SLC22A17: variants seen among roughly 807,000 people sequenced by gnomAD.
SLC22A17 encodes the protein solute carrier family 22 member 17, also known as 24p3 receptor.
A neutral mutation model predicts 53.6 loss-of-function variants in SLC22A17; 38 were observed. The observed-to-expected ratio is 0.71, with a 90% CI of 0.55 to 0.93. SLC22A17 has a LOEUF of 0.93. SLC22A17 is among the 40% of genes least tolerant of loss of function. The probability of loss-of-function intolerance (pLI) is 0.00; values close to 1 mark genes in which losing one functional copy is unlikely to be tolerated. For synonymous variants in SLC22A17, 379 were observed against 353.0 expected, an observed-to-expected ratio of 1.07 and a Z score of -0.82; for missense variants, 704 against 791.0, an observed-to-expected ratio of 0.89 and a Z score of 1.32.
rs775069009 is a variant in SLC22A17, at chr14:23,347,870, A to G, written c.1277+21T>C. ...CATTCCAGCTACTGGCCTGGCCCTC[A>G]GCCCAGACACCCAGGCTCACTTGGT... On this transcript the variant is annotated intron_variant, in intron 7 of 9. Transcript: ENST00000397267. This position sits in a 1 kb window ranked among gnomAD's most constrained non-coding sequence, Gnocchi z 5.1. The G allele has an allele frequency of 8.7e-6, 14 of 1,613,462 alleles. No homozygotes were observed. The highest frequency in any genetic ancestry group is 1.6e-4 in the Middle Eastern group (1 of 6,068).
At chr14:23,346,630 A>G (rs945277097) in exon 10 of SLC22A17, 10 of 1,460,246 alleles carry the variant, frequency 6.8e-6, no homozygotes, top group Non-Finnish European at 9.0e-6. Context: ...GCCTCCCGCC[A>G]GGGTACTCAG....
At position 23,348,844 on chromosome 14, in the gene SLC22A17, T is replaced by A. The variant is rs1016820649; in HGVS notation, c.860-173A>T. On this transcript the variant is annotated intron_variant, in intron 4 of 9. Coordinates refer to ENST00000397267, the Ensembl canonical transcript of SLC22A17. The surrounding 1 kb of genome is among the most constrained non-coding windows in gnomAD (Gnocchi z 4.5). ...TGGGTGGCAAGGACTGGGGAGACTG[T>A]TCAGCCCTCTCTCCTCTCCTGCTCA... 2.9e-6 allele frequency: 2 copies of A among 683,298 alleles called. No homozygotes were observed. Among genetic ancestry groups the A allele is most frequent in the African/African-American group, 3.6e-5 (2 of 55,360 alleles). 42.3% of individuals were successfully genotyped at this position (683,298 alleles called of 1,614,324 possible). A position where few individuals can be genotyped will look rare whatever the true frequency, so the allele number is the denominator to read the frequency against.
chr14:23,346,357 T>C (rs1486886758), exon 10 of SLC22A17: 1 of 386,324 alleles, frequency 2.6e-6, no homozygotes, highest in Non-Finnish European at 4.6e-6. Context: ...AACAGAATGA[T>C]AGAGCAAGAA....
exon 10 of SLC22A17, chr14:23,346,867 G>T (rs1427398657): frequency 6.5e-7 from 1 of 1,538,838 alleles, no homozygotes; most frequent in Admixed American, 1.9e-5. Flanking sequence ...GGCCCATGTG[G>T]AGGCGCTGGG....
chr14:23,346,527 A>ATGGC, exon 10 of SLC22A17: 1 of 1,270,318 alleles, frequency 7.9e-7, no homozygotes, highest in Non-Finnish European at 1.0e-6. Context: ...GCTCTCCGCG[A>ATGGC]TGGCTGGCGT....
At chr14:23,349,095 G>T in intron 4 of SLC22A17, 177 bp downstream of exon 4, 1 of 754,220 alleles carries the variant, frequency 1.3e-6, no homozygotes, top group South Asian at 1.6e-5. Context: ...TGTCGGGAGG[G>T]GGAGATAGGT....
chr14:23,351,683 C>T (rs574164261), intron 3 of SLC22A17, 69 bp downstream of exon 3: 2 of 1,400,514 alleles, frequency 1.4e-6, no homozygotes, highest in African/African-American at 2.9e-5. Flanking sequence ...CTGTAAACGC[C>T]CGCTGCTTGG....
chr14:23,347,962 G>A lies in SLC22A17; in HGVS notation c.1206C>T (p.Ser402=), dbSNP rs772938209. The change falls in exon 7 of 10, where the codon TCC becomes TCT. Residue 402 remains serine, a synonymous_variant. Transcript: ENST00000397267. This position sits in a 1 kb window ranked among gnomAD's most constrained non-coding sequence, Gnocchi z 5.1. ...TGAGGAGGGAAGCAAAGGAAAAGGA[G>A]GATGTTGCAGGGAGAGGGCAGGTAT... is the stretch of plus-strand genomic sequence containing the variant. 6.9e-5 allele frequency: 111 copies of A among 1,614,044 alleles called. No individual in the cohort carries two copies. The highest frequency in any genetic ancestry group is 9.1e-5 in the Non-Finnish European group (107 of 1,180,022).
chr14:23,349,333 C>T (rs757790994), exon 4 of SLC22A17: 40 of 1,613,928 alleles, frequency 2.5e-5, no homozygotes, highest in Non-Finnish European at 3.2e-5. Flanking sequence ...ATCGGAGGGC[C>T]ATGACGCCTG....
In SLC22A17 at chr14:23,347,132, G is replaced by A. The variant is rs756873967; in HGVS notation, c.1630C>T (p.Leu544Phe). 1.2e-6 allele frequency: 2 copies of A among 1,613,872 alleles called. No homozygotes were observed. Among genetic ancestry groups the A allele is most frequent in the East Asian group, 4.5e-5 (2 of 44,878 alleles). Residue 544 changes from leucine (L) to phenylalanine (F), a missense_variant, in exon 9 of 10, where the codon CTT (leucine) becomes TTT (phenylalanine). Leu to Phe is a conservative substitution (Grantham distance 22, BLOSUM62 0). This residue lies in a region of SLC22A17 where 196 missense variants were observed against 171.5 expected (regional missense o/e 1.14). Coordinates refer to ENST00000397267, the Ensembl canonical transcript of SLC22A17. The surrounding 1 kb of genome is among the most constrained non-coding windows in gnomAD (Gnocchi z 5.1). ...GTGGTGGGGATGACCTCAGCAGCAA[G>A]GAGGGTGCTGAGGATGGCGGCAGCT...
rs879180836 is a variant in SLC22A17, at chr14:23,347,749, G to C, written c.1278-18C>G. The stretch of plus-strand genomic sequence containing the variant: ...CAATGAAGCTGTGAGAAGGGGTGGG[G>C]AAGCAACGAACAGAGCCTGAATCCC... On this transcript the variant is annotated intron_variant, in intron 7 of 9. Coordinates refer to ENST00000397267, the Ensembl canonical transcript of SLC22A17. This position sits in a 1 kb window ranked among gnomAD's most constrained non-coding sequence, Gnocchi z 5.1. 1 of 1,612,282 alleles carries C rather than the reference G, an allele frequency of 6.2e-7. No individual in the cohort carries two copies. The highest frequency in any genetic ancestry group is 2.2e-5 in the East Asian group (1 of 44,832).
At position 23,348,615 on chromosome 14, in the gene SLC22A17, C is replaced by G. The variant is rs747309659; in HGVS notation, c.916G>C (p.Val306Leu). The change falls in exon 5 of 10, where the codon GTG becomes CTG. Residue 306 changes from valine to leucine, a missense_variant. By Grantham distance (32) the Val-to-Leu change is conservative. This residue lies in a region of SLC22A17 where 435 missense variants were observed against 529.0 expected (regional missense o/e 0.82). Coordinates refer to ENST00000397267, the Ensembl canonical transcript of SLC22A17. The surrounding 1 kb of genome is among the most constrained non-coding windows in gnomAD (Gnocchi z 4.5). The stretch of plus-strand genomic sequence containing the variant: ...AACAGGAAGTGCCCTCCCACCCCCA[C>G]CAACTCCCCTGCCAGGGCCACCCGA... 8.1e-6 allele frequency: 13 copies of G among 1,613,928 alleles called. No individual in the cohort carries two copies. The Middle Eastern group carries it at 4.9e-4, about 61-fold the overall frequency.
Position 23,352,217 on chromosome 14 carries a change from C to T in SLC22A17, c.331G>A (p.Gly111Ser). The change falls in exon 2 of 10, where the codon GGC (glycine) becomes AGC (serine). Residue 111 changes from glycine to serine, a missense_variant. By Grantham distance (56) the Gly-to-Ser change is moderately conservative. This residue lies in a region of SLC22A17 where 31 missense variants were observed against 62.3 expected (regional missense o/e 0.50). Transcript: ENST00000397267. The surrounding 1 kb of genome is among the most constrained non-coding windows in gnomAD (Gnocchi z 7.2). ...GTGAAGATGGGGTCCGAGGCCATGCCCAGAGCCACGAAGAGCACCGGCAGG... is the reference window on the plus strand; with the variant it reads ...GTGAAGATGGGGTCCGAGGCCATGCTCAGAGCCACGAAGAGCACCGGCAGG... 1 of 1,482,574 alleles carries T rather than the reference C, an allele frequency of 6.7e-7. No individual in the cohort carries two copies. The highest frequency in any genetic ancestry group is 8.9e-7 in the Non-Finnish European group (1 of 1,120,804). The allele number at this position is 1,482,574 out of a possible 1,614,324, so 91.8% of individuals were successfully genotyped here.
chr14:23,347,419 A>G lies in SLC22A17; in HGVS notation c.1549+41T>C. ...GGCAGGGTCTGGGGCTTGTCTTGGG[A>G]GGCCTGTGCCAGAAGAAATGGCTGT... On this transcript the variant is annotated intron_variant, in intron 8 of 9. Transcript: ENST00000397267. This position sits in a 1 kb window ranked among gnomAD's most constrained non-coding sequence, Gnocchi z 5.1. The G allele has an allele frequency of 6.3e-7, 1 of 1,597,250 alleles. No individual in the cohort carries two copies. Among genetic ancestry groups the G allele is most frequent in the East Asian group, 2.2e-5 (1 of 44,592 alleles).
In SLC22A17 at chr14:23,352,153, G is replaced by C; in HGVS notation, c.395C>G (p.Pro132Arg). 6.4e-7 allele frequency: 1 copy of C among 1,562,898 alleles called. No homozygotes were observed. Among genetic ancestry groups the C allele is most frequent in the Middle Eastern group, 1.8e-4 (1 of 5,672 alleles). ...CTGCTCCCAGCCAGAGGCATTAGGG[G>C]GGAAGGCCCCGTAGTGGCAATGCAG... The change falls in exon 2 of 10, where the codon CCC becomes CGC. Residue 132 changes from proline (P) to arginine (R), a missense_variant. Around this residue, in one of 4 missense-constraint regions of SLC22A17, gnomAD observed 435 missense variants for 529.0 expected, o/e 0.82. Transcript: ENST00000397267. This position sits in a 1 kb window ranked among gnomAD's most constrained non-coding sequence, Gnocchi z 7.2.
rs777923541 is a variant in SLC22A17, at chr14:23,347,120, C to A, written c.1642G>T (p.Val548Phe). The change falls in exon 9 of 10, where the codon GTC (valine) becomes TTC (phenylalanine). Residue 548 changes from valine (V) to phenylalanine (F), a missense_variant. Val to Phe is a conservative substitution (Grantham distance 50). Around this residue, in one of 4 missense-constraint regions of SLC22A17, gnomAD observed 196 missense variants for 171.5 expected, o/e 1.14. Coordinates refer to ENST00000397267, the Ensembl canonical transcript of SLC22A17. This position sits in a 1 kb window ranked among gnomAD's most constrained non-coding sequence, Gnocchi z 5.1. ...TCTCACCGGACAGTGGTGGGGATGA[C>A]CTCAGCAGCAAGGAGGGTGCTGAGG... 1.9e-5 allele frequency: 31 copies of A among 1,613,436 alleles called. No homozygotes were observed. The highest frequency in any genetic ancestry group is 2.6e-5 in the Non-Finnish European group (31 of 1,179,826).
exon 3 of SLC22A17, chr14:23,351,766 A>G (rs922911402): frequency 1.2e-6 from 2 of 1,612,970 alleles, no homozygotes; most frequent in African/African-American, 2.7e-5. Context: ...CTGCGGGGTA[A>G]CCCAGGAACA....
chr14:23,348,681 C>A lies in SLC22A17; in HGVS notation c.860-10G>T. On this transcript the variant is annotated splice_polypyrimidine_tract_variant and intron_variant, in intron 4 of 9. Coordinates refer to ENST00000397267, the Ensembl canonical transcript of SLC22A17. The surrounding 1 kb of genome is among the most constrained non-coding windows in gnomAD (Gnocchi z 4.5). ...TCGCACAGCTCCAGGCCTGGAGATA[C>A]AGCAGGGGTGGAGAGAGGAGAGGGA... 6.2e-7 allele frequency: 1 copy of A among 1,603,918 alleles called. No homozygotes were observed. The highest frequency in any genetic ancestry group is 8.5e-7 in the Non-Finnish European group (1 of 1,175,268).
chr14:23,349,257 G>C lies in SLC22A17; in HGVS notation c.859+15C>G. ...TGAGACCCAAGGGAGGGAATTCTGG[G>C]AGGGTGCCACTTACGCATCAGGTAG... is the stretch of plus-strand genomic sequence containing the variant. On this transcript the variant is annotated intron_variant, in intron 4 of 9. Transcript: ENST00000397267. The C allele has an allele frequency of 6.2e-7, 1 of 1,613,938 alleles. No homozygotes were observed. The highest frequency in any genetic ancestry group is 8.5e-7 in the Non-Finnish European group (1 of 1,179,966).
Sources: gnomAD v4.1 joint callset for allele counts on GRCh38, gnomAD v4.1.1 for gene constraint, gnomAD v4.1.1 regional missense constraint, Gnocchi (gnomAD v3.1) non-coding constraint, MANE v1.5 for transcripts, NCBI Gene and HGNC (gene_info 2026-07-23, HGNC 2026-07-21) for gene names.